C2CD4D: variants seen among roughly 807,000 people sequenced by gnomAD.
C2CD4D encodes C2 calcium-dependent domain-containing protein 4D.
In C2CD4D, 1 loss-of-function variant was observed where a neutral mutation model predicts 0.2. The ratio of observed to expected loss-of-function variants is 4.00; its 90% confidence interval spans 1.42 to 18.99. The LOEUF is 18.99. Ranked by LOEUF, C2CD4D falls within the 30% of genes most tolerant of loss-of-function variation. C2CD4D has a pLI of 0.11. For missense variants in C2CD4D, 552 were observed against 551.2 expected, an observed-to-expected ratio of 1.00 and a Z score of -0.01; for synonymous variants, 269 against 279.8, an observed-to-expected ratio of 0.96 and a Z score of 0.39.
At chr1:151,837,893 C>T (rs778036423) in exon 2 of C2CD4D, 85 of 1,476,702 alleles carry the variant, frequency 5.8e-5, no homozygotes, top group Non-Finnish European at 6.9e-5. Context: ...ACTGCAGACA[C>T]AGTGGAGACG....
At chr1:151,838,524 G>T in exon 2 of C2CD4D, 1 of 1,345,560 alleles carries the variant, frequency 7.4e-7, no homozygotes, top group Non-Finnish European at 9.5e-7. Flanking sequence ...CCCAGGCCTG[G>T]CCGCGGGGAG....
chr1:151,838,191 G>T, exon 2 of C2CD4D: 4 of 1,549,726 alleles, frequency 2.6e-6, no homozygotes, highest in Non-Finnish European at 3.5e-6. Context: ...GGCCGGACGC[G>T]GGGCCGCAGC....
chr1:151,838,570 G>A, exon 2 of C2CD4D: 1 of 1,315,618 alleles, frequency 7.6e-7, no homozygotes, highest in Non-Finnish European at 9.6e-7. Flanking sequence ...AGGCCGTGTC[G>A]CTGTCGGGGG....
chr1:151,838,093 G>A (rs572238105), exon 2 of C2CD4D: 58 of 1,551,446 alleles, frequency 3.7e-5, no homozygotes, highest in Non-Finnish European at 5.0e-5. Flanking sequence ...GGGCGGCCAG[G>A]TCCGGGGGGC....
exon 2 of C2CD4D, chr1:151,838,386 A>G: frequency 1.4e-6 from 2 of 1,438,852 alleles, no homozygotes; most frequent in Middle Eastern, 2.0e-4. Flanking sequence ...CGCAGCTGGC[A>G]GCACAGGAAG....
At position 151,837,936 on chromosome 1, in the gene C2CD4D, T is replaced by C. The variant is rs1652622188; in HGVS notation, c.1054A>G (p.Ser352Gly). ...GAAGCCAGGGGCTCAGGCTACAGGC[T>C]GAGATGGGTGGGCGCCAGGGATGAC... is the stretch of plus-strand genomic sequence containing the variant. The change falls in exon 2 of 2, where the codon AGC becomes GGC. Residue 352 changes from serine to glycine, a missense_variant. By Grantham distance (56) the Ser-to-Gly change is moderately conservative. Coordinates refer to ENST00000454109, the Ensembl canonical transcript of C2CD4D. 8 of 1,534,374 alleles carry C rather than the reference T, an allele frequency of 5.2e-6. No homozygotes were observed. The highest frequency in any genetic ancestry group is 4.0e-5 in the Admixed American group (2 of 49,958).
intron 1 of C2CD4D, chr1:151,840,181 G>T (rs1182259487): frequency 6.6e-6 from 1 of 152,320 alleles, no homozygotes; most frequent in Admixed American, 6.5e-5. Flanking sequence ...GCTGGCAGGG[G>T]CCTCCGCTGC....
exon 2 of C2CD4D, chr1:151,838,741 A>G (rs1652671492): frequency 7.5e-7 from 1 of 1,328,508 alleles, no homozygotes; most frequent in South Asian, 2.1e-5. Flanking sequence ...CCGCCAGGTG[A>G]GGCAGCGAGC....
rs752964206 is a variant in C2CD4D at position 151,838,676 on chromosome 1, G to A, written c.314C>T (p.Ser105Phe). Reference sequence around the variant, plus strand: ...GGCAGGTGGCGGCCCGTGGAACAGGGATTCCCGCCGGCGCGTGTGCGGGCT... The same window carrying A: ...GGCAGGTGGCGGCCCGTGGAACAGGAATTCCCGCCGGCGCGTGTGCGGGCT... Residue 105 changes from serine to phenylalanine, a missense_variant, in exon 2 of 2, where the codon TCC becomes TTC. Physicochemically the swap from Ser to Phe is radical, Grantham distance 155. Transcript: ENST00000454109. 1.5e-3 allele frequency: 2,038 copies of A among 1,373,624 alleles called. No individual in the cohort carries two copies. Among genetic ancestry groups the A allele is most frequent in the Non-Finnish European group, 1.8e-3 (1,880 of 1,065,008 alleles). The allele number at this position is 1,373,624 out of a possible 1,614,324, so 85.1% of individuals were successfully genotyped here.
At chr1:151,838,065 C>T in exon 2 of C2CD4D, 1 of 1,551,518 alleles carries the variant, frequency 6.4e-7, no homozygotes, top group Non-Finnish European at 8.7e-7. Flanking sequence ...CTGTCTAGCA[C>T]CTTGGCTCTC....
exon 2 of C2CD4D, chr1:151,839,049 C>T: frequency 6.5e-7 from 1 of 1,528,024 alleles, no homozygotes; most frequent in South Asian, 1.2e-5. Flanking sequence ...CAAATCCCGT[C>T]TCAGATGGGA....
At position 151,839,222 on chromosome 1, in the gene C2CD4D, T is replaced by C; in HGVS notation, c.-231-2A>G. On this transcript the variant is annotated splice_acceptor_variant, in intron 1 of 1. Coordinates refer to ENST00000454109, the Ensembl canonical transcript of C2CD4D. LOFTEE classifies it low-confidence loss of function (5UTR_SPLICE). ...GAAAGGGCGGCGCAGTCTGGGGGGC[T>C]GGGGAGAAATGGAGGGAGCAAAGGG... The C allele has an allele frequency of 1.9e-6, 1 of 540,466 alleles. No individual in the cohort carries two copies. The highest frequency in any genetic ancestry group is 3.3e-6 in the Non-Finnish European group (1 of 305,900). 33.5% of individuals were successfully genotyped at this position (540,466 alleles called of 1,614,324 possible).
At chr1:151,839,495 G>A (rs974174485) in intron 1 of C2CD4D, among the ~76,000 whole-genome samples, 169 bp downstream of exon 1, 8 of 152,136 alleles carry the variant, frequency 5.3e-5, no homozygotes, top group African/African-American at 1.4e-4. Flanking sequence ...TCGAAGACTT[G>A]GGTTTTCCTC....
exon 2 of C2CD4D, chr1:151,839,159 A>G: frequency 1.5e-6 from 1 of 662,900 alleles, no homozygotes; most frequent in Non-Finnish European, 2.5e-6. Flanking sequence ...CGGTCTCCGG[A>G]CCCACTGGGA....
intron 1 of C2CD4D, among the ~76,000 whole-genome samples, 83 bp downstream of exon 1, chr1:151,839,581 C>T (rs1652719696): frequency 6.6e-6 from 1 of 152,160 alleles, no homozygotes; most frequent in African/African-American, 2.4e-5. Flanking sequence ...CTGGCCTGAG[C>T]CATCCCTCAG....
At chr1:151,837,935 C>T (rs375839900) in exon 2 of C2CD4D, 1 of 1,533,286 alleles carries the variant, frequency 6.5e-7, no homozygotes. Flanking sequence ...AGGCTACAGG[C>T]TGAGATGGGT....
At chr1:151,838,685 C>T (rs1283534164) in exon 2 of C2CD4D, 2 of 1,373,436 alleles carry the variant, frequency 1.5e-6, no homozygotes, top group Admixed American at 3.0e-5. Context: ...GGATTCCCGC[C>T]GGCGCGTGTG....
chr1:151,839,595 T>C (rs1198988148), intron 1 of C2CD4D, among the ~76,000 whole-genome samples, 69 bp downstream of exon 1: 1 of 152,086 alleles, frequency 6.6e-6, no homozygotes, highest in South Asian at 2.1e-4. Flanking sequence ...CCCTCAGTCC[T>C]AGCCCCACCT....
exon 2 of C2CD4D, chr1:151,838,166 C>T: frequency 6.4e-7 from 1 of 1,550,866 alleles, no homozygotes; most frequent in Non-Finnish European, 8.7e-7. Context: ...GACCACGCGG[C>T]TCTGCTGCTC....
Sources: gnomAD v4.1 joint callset for allele counts (sites outside exome capture counted in the v4.1 genomes callset) on GRCh38, gnomAD v4.1.1 for gene constraint, MANE v1.5 for transcripts, NCBI Gene and HGNC (gene_info 2026-07-23, HGNC 2026-07-21) for gene names.